Variants in ANKS1B observed in about 807,000 individuals in gnomAD.
ANKS1B encodes the protein ankyrin repeat and sterile alpha motif domain-containing protein 1B.
ANKS1B carries 36 observed loss-of-function variants against 148.3 expected under a neutral mutation model. That is an observed-to-expected ratio of 0.24 (90% CI 0.19 to 0.32). ANKS1B has a LOEUF of 0.32. ANKS1B is among the 10% of genes least tolerant of loss of function. The pLI is 1.00. For synonymous variants in ANKS1B, 542 were observed against 560.8 expected (o/e 0.97, Z 0.47); for missense variants, 1,157 against 1,542.6 (o/e 0.75, Z 4.19).
chr12:98,996,071 C>T (rs755699684), intron 17 of ANKS1B, among the ~76,000 whole-genome samples: 20 of 151,988 alleles, frequency 1.3e-4, no homozygotes, highest in Non-Finnish European at 2.4e-4. Context: ...TTCCTGTCCC[C>T]AAATCATAAC....
intron 10 of ANKS1B, among the ~76,000 whole-genome samples, chr12:99,497,622 T>C (rs2096616682): frequency 6.6e-6 from 1 of 152,204 alleles, no homozygotes; most frequent in South Asian, 2.1e-4. Flanking sequence ...AGGATACTGG[T>C]CATATTGGAT....
At chr12:99,914,865 T>G (rs1165397892) in intron 1 of ANKS1B, among the ~76,000 whole-genome samples, 1 of 152,072 alleles carries the variant, frequency 6.6e-6, no homozygotes, top group Non-Finnish European at 1.5e-5. Flanking sequence ...CGGGGGTGCC[T>G]TCCTCCAGAT....
chr12:99,836,947 T>G (rs2084943751), intron 1 of ANKS1B, among the ~76,000 whole-genome samples: 1 of 152,172 alleles, frequency 6.6e-6, no homozygotes, highest in African/African-American at 2.4e-5. Context: ...CCAAGATGTA[T>G]ACGTCTTAAT....
intron 1 of ANKS1B, among the ~76,000 whole-genome samples, chr12:99,903,813 C>T (rs896118196): frequency 1.3e-5 from 2 of 151,774 alleles, no homozygotes; most frequent in African/African-American, 2.4e-5. Context: ...GATGGGTGCA[C>T]CAAAACCTCA....
intron 12 of ANKS1B, among the ~76,000 whole-genome samples, chr12:99,335,434 A>C (rs2152302398): frequency 6.6e-6 from 1 of 151,444 alleles, no homozygotes; most frequent in African/African-American, 2.4e-5. Context: ...TTTTGCTATC[A>C]AATACTAGAT....
intron 9 of ANKS1B, among the ~76,000 whole-genome samples, chr12:99,608,425 A>G (rs1388551923): frequency 1.3e-5 from 2 of 152,116 alleles, no homozygotes. Flanking sequence ...TGGAAACAAG[A>G]TATAATACCT....
Position 99,443,691 on chromosome 12 carries a change from T to C in ANKS1B, c.1557A>G (p.Val519=), listed in dbSNP as rs779084723. The C allele has an allele frequency of 6.2e-7, 1 of 1,611,964 alleles. No individual in the cohort carries two copies. The highest frequency in any genetic ancestry group is 8.5e-7 in the Non-Finnish European group (1 of 1,178,672). ...PSPDTALKNI[V]KVIRPQPKQR... ...CACTTACCTGGGGTCGAATGACTTT[T>C]ACAATATTTTTGAGGGCAGTATCAG... is the stretch of plus-strand genomic sequence containing the variant. The change falls in exon 11 of 27, where the codon GTA becomes GTG. Residue 519 remains valine (V), a synonymous_variant. Transcript: ENST00000683438.
At chr12:99,343,216 T>C (rs917018694) in intron 12 of ANKS1B, among the ~76,000 whole-genome samples, 1 of 152,062 alleles carries the variant, frequency 6.6e-6, no homozygotes, top group African/African-American at 2.4e-5. Context: ...CATTTAGTGA[T>C]GAGCAGGAGC....
intron 4 of ANKS1B, among the ~76,000 whole-genome samples, chr12:99,805,115 T>C (rs1161952262): frequency 6.6e-6 from 1 of 151,870 alleles, no homozygotes; most frequent in Non-Finnish European, 1.5e-5. Context: ...TGTTAAGCTA[T>C]TAAGTTTTGG....
At chr12:98,831,640 C>G (rs2099316897) in intron 18 of ANKS1B, 1 of 162,918 alleles carries the variant, frequency 6.1e-6, no homozygotes, top group African/African-American at 2.4e-5. Flanking sequence ...GTCAAACAAT[C>G]AAAAGACAGA....
chr12:98,887,305 A>G (rs1185407172), intron 17 of ANKS1B, among the ~76,000 whole-genome samples: 1 of 152,172 alleles, frequency 6.6e-6, no homozygotes, highest in Non-Finnish European at 1.5e-5. Flanking sequence ...TTAAGTTCCA[A>G]GGTTTTTTAT....
At chr12:99,962,467 G>A (rs11612953) in intron 1 of ANKS1B, among the ~76,000 whole-genome samples, 17,632 of 152,150 alleles carry the variant, frequency 0.12, 1,412 homozygotes, top group Non-Finnish European at 0.18. Flanking sequence ...GGGCATTTGG[G>A]TTGGTTCCAT....
intron 14 of ANKS1B, among the ~76,000 whole-genome samples, chr12:99,166,032 C>A (rs1172453445): frequency 6.6e-6 from 1 of 151,616 alleles, no homozygotes; most frequent in Admixed American, 6.6e-5. Context: ...ACCATATAAT[C>A]CTCTCCGCAG....
intron 1 of ANKS1B, among the ~76,000 whole-genome samples, chr12:99,944,186 T>A (rs827794): frequency 1.3e-5 from 2 of 152,164 alleles, no homozygotes; most frequent in Non-Finnish European, 2.9e-5. Context: ...GCTCCAGAAT[T>A]AAGTGAGAGG....
intron 16 of ANKS1B, among the ~76,000 whole-genome samples, chr12:99,079,222 G>A (rs562908705): frequency 1.1e-4 from 17 of 152,258 alleles, no homozygotes; most frequent in Non-Finnish European, 2.2e-4. Context: ...GATAATAAAT[G>A]TTGTTATATG....
At chr12:99,012,085 G>A (rs2099939774) in intron 17 of ANKS1B, among the ~76,000 whole-genome samples, 1 of 152,178 alleles carries the variant, frequency 6.6e-6, no homozygotes, top group South Asian at 2.1e-4. Flanking sequence ...CTGGGTTCAG[G>A]TGTGTGCAAT....
intron 14 of ANKS1B, among the ~76,000 whole-genome samples, chr12:99,226,107 A>G (rs2085895852): frequency 6.6e-6 from 1 of 152,216 alleles, no homozygotes; most frequent in African/African-American, 2.4e-5. Context: ...GAGTATAAAC[A>G]TACAGAGTCC....
chr12:99,748,115 T>C (rs1269620055), intron 8 of ANKS1B, among the ~76,000 whole-genome samples: 1 of 152,124 alleles, frequency 6.6e-6, no homozygotes, highest in African/African-American at 2.4e-5. Context: ...GAAAGTATCA[T>C]GGTACTGGGT....
chr12:98,978,493 C>T lies in ANKS1B; in HGVS notation c.2778+74664G>A, dbSNP rs750565637. Reference sequence around the variant, plus strand: ...ATTATGTGCAAACTGTGTGTGTGTGCGTGTGTGTGTTTATCTTGCTTGAGG... The same window carrying T: ...ATTATGTGCAAACTGTGTGTGTGTGTGTGTGTGTGTTTATCTTGCTTGAGG... On this transcript the variant is annotated intron_variant, in intron 17 of 26. Transcript: ENST00000683438. Among the ~76,000 whole-genome samples, 43 of 151,672 alleles carry T rather than the reference C, an allele frequency of 2.8e-4. 1 individual carries two copies. The highest frequency in any genetic ancestry group is 9.4e-4 in the African/African-American group (39 of 41,410).
Sources: gnomAD v4.1 joint callset for allele counts (sites outside exome capture counted in the v4.1 genomes callset) on GRCh38, gnomAD v4.1.1 for gene constraint, MANE v1.5 for transcripts, NCBI Gene and HGNC (gene_info 2026-07-23, HGNC 2026-07-21) for gene names.